The following CATSPERB variants were observed in gnomAD, a reference collection of about 807,000 sequenced individuals.
The protein encoded by CATSPERB is catsper channel auxiliary subunit beta.
Under a neutral mutation model 128.3 loss-of-function variants are expected in CATSPERB, and 93 were observed. That is an observed-to-expected ratio of 0.72 (90% CI 0.61 to 0.86). CATSPERB has a LOEUF of 0.86. Among genes scored for constraint, CATSPERB ranks in the 40% least tolerant of loss-of-function variants. CATSPERB has a pLI of 0.00. For missense variants in CATSPERB, 1,153 were observed against 1,329.5 expected, an observed-to-expected ratio of 0.87 and a Z score of 2.06; for synonymous variants, 381 against 448.8, an observed-to-expected ratio of 0.85 and a Z score of 1.91.
intron 24 of CATSPERB, 97 bp downstream of exon 24, chr14:91,589,437 C>T: frequency 8.0e-7 from 1 of 1,246,922 alleles, no homozygotes. Context: ...TCCTGGCTCT[C>T]TTTTGTGTGA....
At chr14:91,584,486 A>G (rs1011208151) in intron 26 of CATSPERB, among the ~76,000 whole-genome samples, 5 of 152,276 alleles carry the variant, frequency 3.3e-5, no homozygotes, top group Admixed American at 3.3e-4. Context: ...CCTATCTTTT[A>G]TCCATTTTTG....
intron 7 of CATSPERB, 31 bp from the exon 8 acceptor site, chr14:91,693,510 A>C (rs745838890): frequency 5.1e-6 from 8 of 1,569,800 alleles, no homozygotes; most frequent in Non-Finnish European, 7.0e-6. Flanking sequence ...AATTAAAGCC[A>C]GGCAACTTTA....
intron 22 of CATSPERB, among the ~76,000 whole-genome samples, chr14:91,595,103 G>T (rs1893480178): frequency 6.6e-6 from 1 of 152,058 alleles, no homozygotes; most frequent in Admixed American, 6.5e-5. Flanking sequence ...GTCTACTGTA[G>T]TTCTGAAACA....
intron 22 of CATSPERB, among the ~76,000 whole-genome samples, chr14:91,605,629 T>G (rs1483442154): frequency 6.6e-6 from 1 of 152,178 alleles, no homozygotes; most frequent in Non-Finnish European, 1.5e-5. Flanking sequence ...CCAGGCTGAA[T>G]GGTCTTTAAG....
intron 26 of CATSPERB, among the ~76,000 whole-genome samples, chr14:91,586,816 A>G (rs1490907409): frequency 6.6e-6 from 1 of 152,246 alleles, no homozygotes; most frequent in Non-Finnish European, 1.5e-5. Context: ...TTACAGTTCA[A>G]ACAGCCAAAA....
intron 23 of CATSPERB, 121 bp from the exon 24 acceptor site, chr14:91,589,790 G>A: frequency 2.3e-6 from 2 of 851,740 alleles, no homozygotes; most frequent in Non-Finnish European, 3.6e-6. Context: ...ATGTGCTCCT[G>A]AGGGGTTTCT....
intron 6 of CATSPERB, among the ~76,000 whole-genome samples, chr14:91,707,622 A>C: frequency 1.0e-5 from 1 of 98,652 alleles, no homozygotes; most frequent in African/African-American, 4.0e-5. Flanking sequence ...TTTTTGAGAC[A>C]CAGTCTCACT....
intron 23 of CATSPERB, 53 bp downstream of exon 23, chr14:91,591,839 A>C: frequency 8.0e-7 from 1 of 1,247,996 alleles, no homozygotes; most frequent in Non-Finnish European, 1.2e-6. Flanking sequence ...CACATTTCAA[A>C]ATCTTGTTAA....
chr14:91,683,949 T>C lies in CATSPERB; in HGVS notation c.865-6A>G. ...TTTCCTTTCACATAGTCAACCTACA[T>C]AAATAAATAAAATATCACTTAGCCA... On this transcript the variant is annotated splice_polypyrimidine_tract_variant and splice_region_variant and intron_variant, in intron 10 of 26. Transcript: ENST00000256343. 6.4e-7 allele frequency: 1 copy of C among 1,565,858 alleles called. No individual in the cohort carries two copies. The highest frequency in any genetic ancestry group is 8.7e-7 in the Non-Finnish European group (1 of 1,145,756).
intron 14 of CATSPERB, among the ~76,000 whole-genome samples, chr14:91,662,487 T>C (rs1263037800): frequency 6.6e-6 from 1 of 152,228 alleles, no homozygotes; most frequent in Non-Finnish European, 1.5e-5. Context: ...TTTAGTAATT[T>C]GATGTTATTA....
intron 23 of CATSPERB, among the ~76,000 whole-genome samples, chr14:91,589,917 A>C (rs561256573): frequency 3.9e-5 from 6 of 152,284 alleles, no homozygotes; most frequent in African/African-American, 1.4e-4. Flanking sequence ...GGAATTTACT[A>C]TGATGTCACT....
At chr14:91,657,348 C>T (rs2139819243) in intron 15 of CATSPERB, among the ~76,000 whole-genome samples, 1 of 151,940 alleles carries the variant, frequency 6.6e-6, no homozygotes, top group African/African-American at 2.4e-5. Context: ...TTTCTCCACA[C>T]ACAAAAATCA....
At position 91,621,655 on chromosome 14, in the gene CATSPERB, A is replaced by G. The variant is rs770163867; in HGVS notation, c.2213T>C (p.Leu738Pro). 9 of 1,612,292 alleles carry G rather than the reference A, an allele frequency of 5.6e-6. No individual in the cohort carries two copies. The highest frequency in any genetic ancestry group is 1.3e-5 in the African/African-American group (1 of 74,858). The change falls in exon 19 of 27, where the codon CTG becomes CCG. Residue 738 changes from leucine to proline, a missense_variant. Physicochemically the swap from Leu to Pro is moderately conservative, Grantham distance 98. Coordinates refer to ENST00000256343, the MANE Select transcript of CATSPERB (RefSeq NM_024764.4). ...AGCTTTTAAAACATAAGAGTTTCCC[A>G]GATCAATGTATTTCACGATGTTGAG... The part of the protein sequence containing the change: ...PSLNIVKYID[L>P]GNSYVLKAKV...
intron 11 of CATSPERB, among the ~76,000 whole-genome samples, chr14:91,679,263 CTAAAGTT>C (rs1895241669): frequency 1.3e-5 from 2 of 152,120 alleles, no homozygotes; most frequent in South Asian, 4.1e-4. Flanking sequence ...TAAGCTTTCA[CTAAAGTT>C]TAAAGTTATT....
intron 14 of CATSPERB, among the ~76,000 whole-genome samples, chr14:91,665,067 T>C (rs376744382): frequency 6.7e-6 from 1 of 149,638 alleles, no homozygotes; most frequent in Non-Finnish European, 1.5e-5. Flanking sequence ...TTTTTTTTTA[T>C]TTTTTGGTGG....
chr14:91,623,618 T>C (rs1894096531), intron 18 of CATSPERB, among the ~76,000 whole-genome samples: 2 of 152,242 alleles, frequency 1.3e-5, no homozygotes, highest in Admixed American at 1.3e-4. Flanking sequence ...TTAAGTTTAA[T>C]ATGATCTCTC....
chr14:91,664,568 G>A (rs764962034), intron 14 of CATSPERB, among the ~76,000 whole-genome samples: 1 of 152,030 alleles, frequency 6.6e-6, no homozygotes, highest in Non-Finnish European at 1.5e-5. Flanking sequence ...TACATGGCTT[G>A]ATAACTCATT....
At chr14:91,726,247 G>A (rs1436354333) in intron 2 of CATSPERB, among the ~76,000 whole-genome samples, 3 of 152,280 alleles carry the variant, frequency 2.0e-5, no homozygotes, top group East Asian at 1.9e-4. Flanking sequence ...AGGCTAAGAT[G>A]GTGCACTGTA....
intron 21 of CATSPERB, 83 bp from the exon 22 acceptor site, chr14:91,608,487 A>G (rs907689420): frequency 4.7e-6 from 4 of 850,226 alleles, no homozygotes; most frequent in African/African-American, 3.6e-5. Context: ...TAGAAAACCA[A>G]TCAAGGCAAA....
Sources: gnomAD v4.1 joint callset for allele counts (sites outside exome capture counted in the v4.1 genomes callset) on GRCh38, gnomAD v4.1.1 for gene constraint, MANE v1.5 for transcripts, NCBI Gene and HGNC (gene_info 2026-07-23, HGNC 2026-07-21) for gene names.